The following KANK1 variants were observed in gnomAD, a reference collection of about 807,000 sequenced individuals.
The protein encoded by KANK1 is KN motif and ankyrin repeat domains 1.
A neutral mutation model predicts 106.2 loss-of-function variants in KANK1; 109 were observed. The observed-to-expected ratio is 1.03, with a 90% CI of 0.88 to 1.20. The LOEUF is 1.20. Among genes scored for constraint, KANK1 ranks in the 50% most tolerant of loss-of-function variants. The probability of loss-of-function intolerance (pLI) is 0.00; values close to 1 mark genes in which losing one functional copy is unlikely to be tolerated. For synonymous variants in KANK1, 873 were observed against 652.2 expected (o/e 1.34, Z -5.16); for missense variants, 2,399 against 1,710.7 (o/e 1.40, Z -7.10).
rs72689657 is a variant in KANK1 at position 591,273 on chromosome 9, G to T, written c.-83-85617G>T. On this transcript the variant is annotated intron_variant, in intron 1 of 11. Coordinates refer to ENST00000382297, the MANE Select transcript of KANK1 (RefSeq NM_015158.5). ...AATGTATATAAATATTTAATTTTAG[G>T]TTGTCAAATCTTTTTCTTTATGGTT... Among the ~76,000 whole-genome samples, 7 of 151,726 alleles carry T rather than the reference G, an allele frequency of 4.6e-5. No individual in the cohort carries two copies. The South Asian group carries it at 1.5e-3, about 32-fold the overall frequency.
rs905995852 is a variant in KANK1 at position 625,443 on chromosome 9, A to T, written c.-83-51447A>T. Among the ~76,000 whole-genome samples the T allele has an allele frequency of 5.3e-5, 8 of 152,186 alleles. No individual in the cohort carries two copies. In the South Asian group the frequency reaches 6.2e-4, roughly 12 times the overall value. ...CAGAAAAATTGTTTATTACTGGGCA[A>T]ATCTTGGGCCTCCAAGATTGCCTAT... On this transcript the variant is annotated intron_variant, in intron 1 of 11. Transcript: ENST00000382297.
chr9:629,252 G>T (rs79414785), intron 1 of KANK1, among the ~76,000 whole-genome samples: 2 of 152,150 alleles, frequency 1.3e-5, no homozygotes, highest in East Asian at 1.9e-4. Context: ...AGCACCAGGG[G>T]AGTAAGCCAT....
At chr9:471,467 A>C (rs1003792618) in intron 2 of KANK1, 39 of 152,252 alleles carry the variant, frequency 2.6e-4, no homozygotes, top group African/African-American at 9.4e-4. Flanking sequence ...GACACTCCCA[A>C]GTCCATGTGG....
intron 10 of KANK1, 44 bp downstream of exon 10, chr9:742,449 C>A: frequency 1.3e-6 from 2 of 1,509,214 alleles, no homozygotes; most frequent in Non-Finnish European, 1.8e-6. Flanking sequence ...GTCTGGGGGA[C>A]TCTGGACGGG....
chr9:605,943 C>G (rs894303340), intron 1 of KANK1, among the ~76,000 whole-genome samples: 9 of 151,532 alleles, frequency 5.9e-5, no homozygotes, highest in African/African-American at 2.2e-4. Flanking sequence ...GTCAGGGGGC[C>G]CTGTGTTCTG....
chr9:693,811 AAG>A (rs1820561663), intron 2 of KANK1: 1 of 985,368 alleles, frequency 1.0e-6, no homozygotes, highest in Non-Finnish European at 1.2e-6. Context: ...CCACAAAAGA[AAG>A]AGAGGAGGAG....
rs781040815 is a variant in KANK1, at chr9:713,167, G to A, written c.2401G>A (p.Asp801Asn). ...TASRRSVGVG[D>N]DPVGESLENP... The stretch of plus-strand genomic sequence containing the variant: ...CAGCAGAAGGAGCGTGGGGGTTGGG[G>A]ATGACCCTGTAGGGGAATCTCTGGA... Residue 801 changes from aspartate to asparagine, a missense_variant, in exon 3 of 12, where the codon GAT becomes AAT. Asp to Asn is a conservative substitution (Grantham distance 23). Coordinates refer to ENST00000382297, the MANE Select transcript of KANK1 (RefSeq NM_015158.5). 1.9e-6 allele frequency: 3 copies of A among 1,588,772 alleles called. No individual in the cohort carries two copies. The highest frequency in any genetic ancestry group is 2.3e-5 in the South Asian group (2 of 85,420).
intron 8 of KANK1, 27 bp from the exon 9 acceptor site, chr9:740,765 G>C (rs754576090): frequency 3.9e-6 from 6 of 1,555,740 alleles, no homozygotes; most frequent in South Asian, 1.1e-5. Flanking sequence ...TGCTTCCTAA[G>C]AGACTTTTTT....
At chr9:736,203 C>A (rs556956426) in intron 7 of KANK1, among the ~76,000 whole-genome samples, 1 of 152,274 alleles carries the variant, frequency 6.6e-6, no homozygotes, top group East Asian at 1.9e-4. Context: ...CGTGGTCCGC[C>A]CATCTTGGCC....
At chr9:616,849 C>A (rs934099202) in intron 1 of KANK1, among the ~76,000 whole-genome samples, 5 of 152,154 alleles carry the variant, frequency 3.3e-5, no homozygotes. Flanking sequence ...CACACTAGCC[C>A]TTAAAACTTC....
At position 655,212 on chromosome 9, in the gene KANK1, A is replaced by T. The variant is rs541445898; in HGVS notation, c.-83-21678A>T. On this transcript the variant is annotated intron_variant, in intron 1 of 11. Coordinates refer to ENST00000382297, the MANE Select transcript of KANK1 (RefSeq NM_015158.5). ...TGGTGAAACCTCGTCTCTACTAAAA[A>T]TACAAGAAATTAGTCGGGCATGATG... 1.2e-4 allele frequency among the ~76,000 whole-genome samples: 18 copies of T among 152,150 alleles called. No homozygotes were observed. The South Asian group carries it at 2.1e-3, about 18-fold the overall frequency.
intron 1 of KANK1, among the ~76,000 whole-genome samples, chr9:514,124 C>T (rs1328484128): frequency 1.8e-5 from 2 of 109,522 alleles, no homozygotes; most frequent in African/African-American, 1.4e-4. Flanking sequence ...TCCTCCCTCT[C>T]TCTCTCCCTC....
chr9:712,909 C>G lies in KANK1; in HGVS notation c.2143C>G (p.Arg715Gly). 2 of 1,614,038 alleles carry G rather than the reference C, an allele frequency of 1.2e-6. No individual in the cohort carries two copies. The highest frequency in any genetic ancestry group is 2.2e-5 in the East Asian group (1 of 44,866). The stretch of plus-strand genomic sequence containing the variant: ...GACCAGCACCCAGACTGTGGAGACG[C>G]GGACAGTAGCTGTAGGAGAAGGCCG... The part of the protein sequence containing the change: ...KQTSTQTVET[R>G]TVAVGEGRVK... Residue 715 changes from arginine to glycine, a missense_variant, in exon 3 of 12, where the codon CGG becomes GGG. Physicochemically the swap from Arg to Gly is moderately radical, Grantham distance 125. Transcript: ENST00000382297.
chr9:519,174 G>A (rs1164085230), intron 1 of KANK1, among the ~76,000 whole-genome samples: 2 of 151,724 alleles, frequency 1.3e-5, no homozygotes, highest in Non-Finnish European at 2.9e-5. Flanking sequence ...ATAGGCATGA[G>A]ACACTGCGCC....
At position 738,238 on chromosome 9, in the gene KANK1, G is replaced by A. The variant is rs2296052; in HGVS notation, c.3334-47G>A. 0.59 allele frequency: 883,162 copies of A among 1,500,940 alleles called. 265,991 individuals carry two copies. The highest frequency in any genetic ancestry group is 0.86 in the African/African-American group (62,488 of 72,388). 93.0% of individuals were successfully genotyped at this position (1,500,940 alleles called of 1,614,324 possible). ...TACTTGTGCTTTCAACTAGGTCTCA[G>A]AAAGTCTATAAATAGAAGAACTAAC... On this transcript the variant is annotated intron_variant, in intron 7 of 11. Transcript: ENST00000382297.
Position 692,103 on chromosome 9 carries a change from G to A in KANK1, c.37+15094G>A, listed in dbSNP as rs200982874. On this transcript the variant is annotated intron_variant, in intron 2 of 11. Transcript: ENST00000382297. ...TAGCCTGTTTTGTAAAATTCAAAAC[G>A]GGACAGCTGTGTAGAGAGAGGCACA... Among the ~76,000 whole-genome samples the A allele has an allele frequency of 2.3e-4, 3 of 12,896 alleles. No homozygotes were observed. The South Asian group carries it at 0.013, about 58-fold the overall frequency. 8.5% of individuals were successfully genotyped at this position (12,896 alleles called of 152,430 possible).
intron 1 of KANK1, among the ~76,000 whole-genome samples, chr9:604,431 G>T (rs1054628706): frequency 1.3e-5 from 2 of 151,688 alleles, no homozygotes; most frequent in East Asian, 3.9e-4. Flanking sequence ...AGATCTAATG[G>T]TTTAAAAGTG....
intron 1 of KANK1, among the ~76,000 whole-genome samples, chr9:509,094 G>T (rs965859538): frequency 1.3e-5 from 2 of 152,082 alleles, no homozygotes; most frequent in Non-Finnish European, 2.9e-5. Context: ...GACAAAATAT[G>T]ACCTATTTAT....
chr9:572,045 A>G (rs947921383), intron 1 of KANK1, among the ~76,000 whole-genome samples: 1 of 150,856 alleles, frequency 6.6e-6, no homozygotes, highest in Non-Finnish European at 1.5e-5. Flanking sequence ...GGAGATGCTT[A>G]TTTTCCTTTT....
Sources: gnomAD v4.1 joint callset for allele counts (sites outside exome capture counted in the v4.1 genomes callset) on GRCh38, gnomAD v4.1.1 for gene constraint, MANE v1.5 for transcripts, NCBI Gene and HGNC (gene_info 2026-07-23, HGNC 2026-07-21) for gene names.